Variants in NLRP1 observed in about 807,000 individuals in gnomAD.
The protein encoded by NLRP1 is NLR family pyrin domain containing 1, also known as NACHT, LRR and PYD domains-containing protein 1.
A neutral mutation model predicts 136.7 loss-of-function variants in NLRP1; 94 were observed. That is an observed-to-expected ratio of 0.69 (90% CI 0.58 to 0.82). The LOEUF is 0.82. Ranked by LOEUF, NLRP1 falls within the 40% of genes least tolerant of loss-of-function variation. The probability of loss-of-function intolerance (pLI) is 0.00; values close to 1 mark genes in which losing one functional copy is unlikely to be tolerated. For synonymous variants in NLRP1, 690 were observed against 725.1 expected, an observed-to-expected ratio of 0.95 and a Z score of 0.78; for missense variants, 1,575 against 1,802.7, an observed-to-expected ratio of 0.87 and a Z score of 2.29.
In NLRP1 at chr17:5,559,824, C is replaced by T. The variant is rs200219121; in HGVS notation, c.872G>A (p.Ser291Asn). 50 of 1,614,094 alleles carry T rather than the reference C, an allele frequency of 3.1e-5. No homozygotes were observed. The highest frequency in any genetic ancestry group is 4.2e-5 in the Non-Finnish European group (49 of 1,180,044). Reference protein sequence around the residue: ...LLLLQRPHPRSQDPLVKRSWP... With the variant: ...LLLLQRPHPRNQDPLVKRSWP... ...GCTTCTCTTGACCAGGGGATCTTGGCTTCTGGGGTGAGGTCTTTGTAGAAG... is the reference window on the plus strand; with the variant it reads ...GCTTCTCTTGACCAGGGGATCTTGGTTTCTGGGGTGAGGTCTTTGTAGAAG... The change falls in exon 4 of 17, where the codon AGC becomes AAC. Residue 291 changes from serine to asparagine, a missense_variant. Physicochemically the swap from Ser to Asn is conservative, Grantham distance 46. Transcript: ENST00000572272.
chr17:5,565,461 C>T (rs191163677), intron 3 of NLRP1, among the ~76,000 whole-genome samples: 4 of 152,252 alleles, frequency 2.6e-5, no homozygotes, highest in Non-Finnish European at 5.9e-5. Flanking sequence ...TATTGTATCC[C>T]TCACTGTGCA....
In NLRP1 at chr17:5,583,834, G is replaced by C. The variant is rs200014469; in HGVS notation, c.124C>G (p.Pro42Ala). 2 of 1,567,068 alleles carry C rather than the reference G, an allele frequency of 1.3e-6. No individual in the cohort carries two copies. The highest frequency in any genetic ancestry group is 1.2e-5 in the South Asian group (1 of 85,650). Residue 42 changes from proline to alanine, a missense_variant, in exon 1 of 17, where the codon CCC becomes GCC. Physicochemically the swap from Pro to Ala is conservative, Grantham distance 27 (BLOSUM62 -1). Transcript: ENST00000572272. This position sits in a 1 kb window ranked among gnomAD's most constrained non-coding sequence, Gnocchi z 4.5. ...CCACTCGTCTTCTCTGGCTGAGCGG[G>C]TGTCTCACCCGAAGAGCTCCTGGAG... ...AHSRSSSGET[P>A]AQPEKTSGME...
intron 11 of NLRP1, among the ~76,000 whole-genome samples, chr17:5,531,022 T>TGTGA (rs1910170340): frequency 1.3e-5 from 2 of 152,232 alleles, no homozygotes; most frequent in Non-Finnish European, 2.9e-5. Flanking sequence ...GAACTGTTTC[T>TGTGA]ACTATGTTGA....
intron 11 of NLRP1, 96 bp downstream of exon 11, chr17:5,532,726 T>A: frequency 9.0e-7 from 1 of 1,105,428 alleles, no homozygotes; most frequent in Middle Eastern, 2.5e-4. Context: ...GAGTGTGAGT[T>A]GGGGGTAGGG....
At chr17:5,543,056 C>G (rs1191841183) in intron 5 of NLRP1, among the ~76,000 whole-genome samples, 2 of 152,216 alleles carry the variant, frequency 1.3e-5, no homozygotes, top group African/African-American at 4.8e-5. Context: ...TCTTCAACCC[C>G]TGACCTCAGG....
At chr17:5,506,011 G>A (rs2151727006) in intron 15 of NLRP1, 1 of 152,414 alleles carries the variant, frequency 6.6e-6, no homozygotes, top group Admixed American at 6.5e-5. Context: ...AGGGCCAGGT[G>A]TGGTGGCTCA....
chr17:5,577,241 T>C (rs979688318), intron 3 of NLRP1, among the ~76,000 whole-genome samples: 50 of 152,136 alleles, frequency 3.3e-4, no homozygotes, highest in African/African-American at 1.2e-3. Flanking sequence ...CTATTCAACA[T>C]AGTGTTGGAA....
rs934013250 is a variant in NLRP1 at position 5,502,218 on chromosome 17, G to T, written c.4070-346C>A. 5.7e-5 allele frequency: 14 copies of T among 246,178 alleles called. No homozygotes were observed. The Admixed American group carries it at 6.2e-4, about 11-fold the overall frequency. The allele number at this position is 246,178 out of a possible 1,614,324, so 15.2% of individuals were successfully genotyped here. A position where few individuals can be genotyped will look rare whatever the true frequency, so the allele number is the denominator to read the frequency against. On this transcript the variant is annotated intron_variant, in intron 15 of 15. Transcript: ENST00000262467. ...CAGCTTAACCACCTCAGCTAAAAGGGCTTCCAGTTGGCTGGATGAGGAGAA... is the reference window on the plus strand; with the variant it reads ...CAGCTTAACCACCTCAGCTAAAAGGTCTTCCAGTTGGCTGGATGAGGAGAA...
chr17:5,547,567 A>C (rs1912834273), intron 5 of NLRP1, among the ~76,000 whole-genome samples: 1 of 152,202 alleles, frequency 6.6e-6, no homozygotes, highest in African/African-American at 2.4e-5. Flanking sequence ...AGGAATTAAC[A>C]GATATGGAGT....
In NLRP1 at chr17:5,514,515, G is replaced by A. The variant is rs1907842675; in HGVS notation, c.*239C>T. ...CAGATGAGGCTCTATGAGGTCTGCA[G>A]GGGTCTTGCCAGCTCCAGATGGACA... On this transcript the variant is annotated 3_prime_UTR_variant, in exon 17 of 17. Coordinates refer to ENST00000572272, the MANE Select transcript of NLRP1 (RefSeq NM_033004.4). The A allele has an allele frequency of 1.4e-6, 2 of 1,385,366 alleles. No homozygotes were observed. Among genetic ancestry groups the A allele is most frequent in the African/African-American group, 1.5e-5 (1 of 68,688 alleles). The allele number at this position is 1,385,366 out of a possible 1,614,324, so 85.8% of individuals were successfully genotyped here. A position where few individuals can be genotyped will look rare whatever the true frequency, so the allele number is the denominator to read the frequency against.
intron 15 of NLRP1, among the ~76,000 whole-genome samples, chr17:5,508,244 G>A (rs968543050): frequency 2.6e-5 from 4 of 152,190 alleles, no homozygotes; most frequent in African/African-American, 7.2e-5. Context: ...GTTGCAGTGA[G>A]CTGAGATTGC....
rs201548084 is a variant in NLRP1 at position 5,582,040 on chromosome 17, G to A, written c.471C>T (p.Tyr157=). Reference sequence around the variant, plus strand: ...GGTCTGGGGAGCTTGGAAGAGCTTGGTAGAGGAGTGAGGCAGAGATTTCTG... The same window carrying A: ...GGTCTGGGGAGCTTGGAAGAGCTTGATAGAGGAGTGAGGCAGAGATTTCTG... ...RWREISASLL[Y]QALPSSPDHE... is the part of the protein sequence containing the mutation. Residue 157 remains tyrosine, a synonymous_variant, in exon 3 of 17, where the codon TAC becomes TAT. Transcript: ENST00000572272. The A allele has an allele frequency of 5.0e-6, 8 of 1,613,710 alleles. No homozygotes were observed. The South Asian group carries it at 8.8e-5, about 18-fold the overall frequency.
At chr17:5,518,156 C>G (rs1452428114) in intron 14 of NLRP1, 2 of 313,046 alleles carry the variant, frequency 6.4e-6, no homozygotes, top group Admixed American at 9.3e-5. Context: ...TCACCTCCCC[C>G]ATCTTGAATC....
chr17:5,542,925 G>T (rs1184608653), intron 5 of NLRP1, among the ~76,000 whole-genome samples: 2 of 152,088 alleles, frequency 1.3e-5, no homozygotes, highest in African/African-American at 2.4e-5. Flanking sequence ...CGCGCCCTGG[G>T]TTCAAGTGAT....
At chr17:5,575,691 C>T (rs1904939035) in intron 3 of NLRP1, among the ~76,000 whole-genome samples, 1 of 152,108 alleles carries the variant, frequency 6.6e-6, no homozygotes, top group South Asian at 2.1e-4. Context: ...CTTTAACACC[C>T]CCCTGTCAAC....
At chr17:5,520,308 C>G (rs570105350) in intron 14 of NLRP1, among the ~76,000 whole-genome samples, 13 of 152,280 alleles carry the variant, frequency 8.5e-5, no homozygotes, top group African/African-American at 3.1e-4. Flanking sequence ...ATACTGACCT[C>G]TTTTTTGTCA....
chr17:5,525,090 C>T (rs942369488), intron 12 of NLRP1, among the ~76,000 whole-genome samples: 5 of 152,306 alleles, frequency 3.3e-5, no homozygotes, highest in South Asian at 4.1e-4. Context: ...GGAAGTCTCA[C>T]TGGCAGAAAG....
Position 5,581,902 on chromosome 17 carries a change from C to T in NLRP1, c.609G>A (p.Gly203=). 4 of 1,613,406 alleles carry T rather than the reference C, an allele frequency of 2.5e-6. No individual in the cohort carries two copies. Among genetic ancestry groups the T allele is most frequent in the Non-Finnish European group, 3.4e-6 (4 of 1,179,974 alleles). The change falls in exon 3 of 17, where the codon GGG becomes GGA. Residue 203 remains glycine (G), a synonymous_variant. Transcript: ENST00000572272. The part of the protein sequence containing the change: ...SLAPREQEAP[G]TQWPLDETSG... Reference sequence around the variant, plus strand: ...ACGTTTCATCCAGAGGCCATTGGGTCCCAGGAGCCTCCTGCTCTCTGGGTG... The same window carrying T: ...ACGTTTCATCCAGAGGCCATTGGGTTCCAGGAGCCTCCTGCTCTCTGGGTG...
In NLRP1 at chr17:5,521,577, C is replaced by T; in HGVS notation, c.3730G>A (p.Glu1244Lys). 1 of 1,614,136 alleles carries T rather than the reference C, an allele frequency of 6.2e-7. No homozygotes were observed. The highest frequency in any genetic ancestry group is 8.5e-7 in the Non-Finnish European group (1 of 1,180,020). The change falls in exon 13 of 17, where the codon GAG (glutamate) becomes AAG (lysine). Residue 1244 changes from glutamate to lysine, a missense_variant. By Grantham distance (56) the Glu-to-Lys change is moderately conservative. Transcript: ENST00000572272. ...VVLLYHRVHP[E>K]EVTFHLYLIP... ...AGGTAGAGGTGGAAGGTGACTTCCT[C>T]AGGATGGACGCGGTGGTAAAGCAAC... is the stretch of plus-strand genomic sequence containing the variant.
Sources: allele counts gnomAD v4.1 joint callset (sites outside exome capture counted in the v4.1 genomes callset), GRCh38; gene constraint gnomAD v4.1.1; non-coding constraint Gnocchi (gnomAD v3.1); transcripts MANE v1.5; gene names NCBI Gene and HGNC (gene_info 2026-07-23, HGNC 2026-07-21).